The following RASAL2 variants were observed in gnomAD, a reference collection of about 807,000 sequenced individuals.
RASAL2 encodes the protein RAS protein activator like 2, also known as ras GTPase-activating protein nGAP.
Under a neutral mutation model 128.9 loss-of-function variants are expected in RASAL2, and 58 were observed. The observed-to-expected ratio is 0.45, with a 90% CI of 0.36 to 0.56. The LOEUF is 0.56. RASAL2 is among the 20% of genes least tolerant of loss of function. RASAL2 has a pLI of 0.00. For synonymous variants in RASAL2, 561 were observed against 580.8 expected (o/e 0.97, Z 0.49); for missense variants, 1,360 against 1,601.6 (o/e 0.85, Z 2.57).
chr1:178,173,702 C>T (rs1353881751), intron 1 of RASAL2, among the ~76,000 whole-genome samples: 1 of 152,052 alleles, frequency 6.6e-6, no homozygotes, highest in Non-Finnish European at 1.5e-5. Context: ...TTTACCACTA[C>T]TTCTTTCCTT....
rs187642226 is a variant in RASAL2 at position 178,145,314 on chromosome 1, T to G, written c.202+50620T>G. On this transcript the variant is annotated intron_variant, in intron 1 of 17. Coordinates refer to ENST00000367649, the MANE Select transcript of RASAL2 (RefSeq NM_170692.4). ...AGAAAAGAGGATTTTTTTTGTTTTG[T>G]TTTTAGCCCCCAGACCACCACTTTT... is the stretch of plus-strand genomic sequence containing the variant. Among the ~76,000 whole-genome samples, 234 of 152,154 alleles carry G rather than the reference T, an allele frequency of 1.5e-3. 1 individual carries two copies. Among genetic ancestry groups the G allele is most frequent in the African/African-American group, 5.4e-3 (224 of 41,530 alleles).
intron 4 of RASAL2, among the ~76,000 whole-genome samples, chr1:178,409,099 G>A (rs1432446110): frequency 1.3e-5 from 2 of 152,156 alleles, no homozygotes; most frequent in Non-Finnish European, 2.9e-5. Context: ...GAGCAAGCGG[G>A]GAACTGCCAT....
At chr1:178,407,214 C>T (rs114699721) in intron 4 of RASAL2, among the ~76,000 whole-genome samples, 207 of 152,322 alleles carry the variant, frequency 1.4e-3, no homozygotes, top group African/African-American at 4.8e-3. Flanking sequence ...TTATTCTTGT[C>T]ATCTACAGTC....
At chr1:178,154,635 G>A (rs1661023157) in intron 1 of RASAL2, among the ~76,000 whole-genome samples, 1 of 152,104 alleles carries the variant, frequency 6.6e-6, no homozygotes, top group South Asian at 2.1e-4. Context: ...GTTTTAATTT[G>A]CATTTCCCTG....
At chr1:178,418,347 A>G (rs1385734635) in intron 4 of RASAL2, among the ~76,000 whole-genome samples, 1 of 152,196 alleles carries the variant, frequency 6.6e-6, no homozygotes, top group Non-Finnish European at 1.5e-5. Flanking sequence ...AAGGAAAAGA[A>G]AATATACTAT....
intron 3 of RASAL2, among the ~76,000 whole-genome samples, chr1:178,360,040 C>T (rs1416014644): frequency 6.6e-6 from 1 of 152,170 alleles, no homozygotes; most frequent in Non-Finnish European, 1.5e-5. Flanking sequence ...CACAATTGTG[C>T]TATCACTGCT....
intron 3 of RASAL2, among the ~76,000 whole-genome samples, chr1:178,359,501 G>A (rs775371837): frequency 4.6e-5 from 7 of 152,052 alleles, no homozygotes; most frequent in East Asian, 1.9e-4. Flanking sequence ...CCAGCATACC[G>A]ACCTTGTGCT....
At chr1:178,123,541 A>G (rs2102280548) in intron 1 of RASAL2, among the ~76,000 whole-genome samples, 1 of 152,322 alleles carries the variant, frequency 6.6e-6, no homozygotes, top group East Asian at 1.9e-4. Flanking sequence ...GATAAGCTAC[A>G]TGTTCAAACT....
At chr1:178,445,952 G>A (rs565121913) in intron 9 of RASAL2, among the ~76,000 whole-genome samples, 12 of 152,166 alleles carry the variant, frequency 7.9e-5, no homozygotes, top group Non-Finnish European at 1.3e-4. Flanking sequence ...GATCTGAGGT[G>A]GTCTGTTTTG....
intron 17 of RASAL2, among the ~76,000 whole-genome samples, chr1:178,468,797 C>T (rs895863003): frequency 1.3e-5 from 2 of 152,074 alleles, no homozygotes; most frequent in Admixed American, 1.3e-4. Context: ...ACTATTCACA[C>T]TATAAAAAAT....
intron 3 of RASAL2, among the ~76,000 whole-genome samples, chr1:178,326,920 C>T (rs767145848): frequency 1.3e-5 from 2 of 152,108 alleles, no homozygotes; most frequent in Non-Finnish European, 2.9e-5. Context: ...CTTTTTATCA[C>T]GTTTTAAGTG....
intron 3 of RASAL2, among the ~76,000 whole-genome samples, chr1:178,308,923 G>T (rs12060168): frequency 0.067 from 10,243 of 152,090 alleles, 661 homozygotes; most frequent in African/African-American, 0.17. Flanking sequence ...AGAATCTTCT[G>T]TAGAACTACT....
chr1:178,233,411 T>G (rs1216762332), intron 1 of RASAL2, among the ~76,000 whole-genome samples: 1 of 152,190 alleles, frequency 6.6e-6, no homozygotes, highest in East Asian at 1.9e-4. Context: ...CATGGTGTGG[T>G]CCAGTGAAAA....
At position 178,452,477 on chromosome 1, in the gene RASAL2, G is replaced by A. The variant is rs1325540963; in HGVS notation, c.1834G>A (p.Gly612Ser). ...ATGGAAGCAGCAGTGCCTGAACCGT[G>A]GCAAGCAAGACATCAGCGAGAGGCT... ...ASWKQQCLNRGKQDISERLIS... is the reference protein window; with the variant it reads ...ASWKQQCLNRSKQDISERLIS... The change falls in exon 11 of 18, where the codon GGC (glycine) becomes AGC (serine). Residue 612 changes from glycine to serine, a missense_variant. Gly to Ser is a moderately conservative substitution (Grantham distance 56). This residue lies in a region of RASAL2 where 741 missense variants were observed against 868.6 expected (regional missense o/e 0.85). Coordinates refer to ENST00000367649, the MANE Select transcript of RASAL2 (RefSeq NM_170692.4). The A allele has an allele frequency of 6.2e-7, 1 of 1,613,946 alleles. No individual in the cohort carries two copies. Among genetic ancestry groups the A allele is most frequent in the African/African-American group, 1.3e-5 (1 of 74,892 alleles).
chr1:178,471,610 T>C (rs1572140555), intron 17 of RASAL2, among the ~76,000 whole-genome samples: 1 of 152,192 alleles, frequency 6.6e-6, no homozygotes, highest in South Asian at 2.1e-4. Context: ...AGCTAGTTTG[T>C]TGTTGTTTCT....
At chr1:178,169,889 C>G (rs137968427) in intron 1 of RASAL2, among the ~76,000 whole-genome samples, 134 of 152,094 alleles carry the variant, frequency 8.8e-4, no homozygotes, top group African/African-American at 2.7e-3. Context: ...GCCTTCTTAA[C>G]ATTCCATTTT....
chr1:178,349,278 A>T (rs1274694661), intron 3 of RASAL2, among the ~76,000 whole-genome samples: 7 of 148,076 alleles, frequency 4.7e-5, no homozygotes, highest in African/African-American at 1.7e-4. Flanking sequence ...AAAAAAAAAA[A>T]GCCAGGCATG....
rs1374213802 is a variant in RASAL2, at chr1:178,456,820, A to T, written c.2311A>T (p.Thr771Ser). ...AATACAACAGCAACTGAGACGCTTCACTGAACATAACTCCAGTCCAAATGT... is the reference window on the plus strand; with the variant it reads ...AATACAACAGCAACTGAGACGCTTCTCTGAACATAACTCCAGTCCAAATGT... ...TPIQQQLRRF[T>S]EHNSSPNVSG... Residue 771 changes from threonine to serine, a missense_variant, in exon 13 of 18, where the codon ACT becomes TCT. Coordinates refer to ENST00000367649, the MANE Select transcript of RASAL2 (RefSeq NM_170692.4). The T allele has an allele frequency of 3.7e-6, 6 of 1,614,198 alleles. No homozygotes were observed. Among genetic ancestry groups the T allele is most frequent in the Non-Finnish European group, 3.4e-6 (4 of 1,180,032 alleles).
At chr1:178,344,385 G>T (rs1385432687) in intron 3 of RASAL2, among the ~76,000 whole-genome samples, 1 of 152,090 alleles carries the variant, frequency 6.6e-6, no homozygotes, top group Non-Finnish European at 1.5e-5. Flanking sequence ...AAAAATGAAG[G>T]CAAAAGATAG....
Sources: gnomAD v4.1 joint callset for allele counts (sites outside exome capture counted in the v4.1 genomes callset) on GRCh38, gnomAD v4.1.1 for gene constraint, gnomAD v4.1.1 regional missense constraint, MANE v1.5 for transcripts, NCBI Gene and HGNC (gene_info 2026-07-23, HGNC 2026-07-21) for gene names.